ATP6V1E2: variants seen among roughly 807,000 people sequenced by gnomAD.
The protein encoded by ATP6V1E2 is V-type proton ATPase subunit E 2.
For synonymous variants in ATP6V1E2, 121 were observed against 104.2 expected, an observed-to-expected ratio of 1.16 and a Z score of -0.98; for missense variants, 308 against 273.3, an observed-to-expected ratio of 1.13 and a Z score of -0.90.
rs192401662 is a variant in ATP6V1E2, at chr2:46,541,007, T to A, written c.-310+383A>T. Among the ~76,000 whole-genome samples, 16 of 152,264 alleles carry A rather than the reference T, an allele frequency of 1.1e-4. 1 individual carries two copies. Among genetic ancestry groups the A allele is most frequent in the Admixed American group, 6.5e-4 (10 of 15,304 alleles). On this transcript the variant is annotated intron_variant, in intron 2 of 4. Coordinates refer to ENST00000522587, the MANE Select transcript of ATP6V1E2 (RefSeq NM_001318063.2). ...GAGAAGGGAAGTGACATGCTCAAGG[T>A]AACACTGCTAACCAGGGTCAGAGCT... is the stretch of plus-strand genomic sequence containing the variant.
intron 2 of ATP6V1E2, among the ~76,000 whole-genome samples, chr2:46,540,982 G>A (rs556511997): frequency 6.6e-6 from 1 of 152,206 alleles, no homozygotes; most frequent in Non-Finnish European, 1.5e-5. Flanking sequence ...CGGAGGCCCA[G>A]AGAAGGGAAG....
Position 46,512,352 on chromosome 2 carries a change from C to A in ATP6V1E2, c.360G>T (p.Val120=). 6.2e-7 allele frequency: 1 copy of A among 1,613,972 alleles called. No individual in the cohort carries two copies. The change falls in exon 5 of 5, where the codon GTG becomes GTT. Residue 120 remains valine, a synonymous_variant. Transcript: ENST00000522587. ...EVYQGLLDKL[V]LQGLLRLLEP... ...CCAGCAGTCGGAGCAGACCCTGGAG[C>A]ACCAGTTTATCCAGCAGCCCCTGGT... is the stretch of plus-strand genomic sequence containing the variant.
intron 4 of ATP6V1E2, among the ~76,000 whole-genome samples, chr2:46,525,123 A>G (rs1222220311): frequency 6.6e-6 from 1 of 152,054 alleles, no homozygotes; most frequent in Non-Finnish European, 1.5e-5. Flanking sequence ...AGGTCTGAGG[A>G]CTCAGCCTCT....
At position 46,530,166 on chromosome 2, in the gene ATP6V1E2, C is replaced by G. The variant is rs905238483; in HGVS notation, c.-102+5647G>C. 2.0e-5 allele frequency among the ~76,000 whole-genome samples: 3 copies of G among 152,202 alleles called. No individual in the cohort carries two copies. The highest frequency in any genetic ancestry group is 7.2e-5 in the African/African-American group (3 of 41,448). On this transcript the variant is annotated intron_variant, in intron 4 of 4. Transcript: ENST00000522587. This position sits in a 1 kb window ranked among gnomAD's most constrained non-coding sequence, Gnocchi z 5.2. The stretch of plus-strand genomic sequence containing the variant: ...CAGAATGCAGCTCAGTCTCCTACCA[C>G]CTACATACAGAGCCCTCTCCTCTTC...
chr2:46,539,392 T>C (rs2103950815), intron 2 of ATP6V1E2, among the ~76,000 whole-genome samples: 1 of 152,332 alleles, frequency 6.6e-6, no homozygotes, highest in Non-Finnish European at 1.5e-5. Flanking sequence ...TGCACCCCTA[T>C]GGGCACAGGG....
intron 4 of ATP6V1E2, among the ~76,000 whole-genome samples, chr2:46,516,570 G>A (rs1005955031): frequency 6.6e-6 from 1 of 151,948 alleles, no homozygotes; most frequent in Non-Finnish European, 1.5e-5. Flanking sequence ...CTCCAGTCTG[G>A]GCAACAGAAT....
intron 4 of ATP6V1E2, among the ~76,000 whole-genome samples, chr2:46,532,166 T>C (rs1348339489): frequency 2.0e-5 from 3 of 152,218 alleles, no homozygotes; most frequent in African/African-American, 7.2e-5. Flanking sequence ...TGGTTGTCAA[T>C]TCATTTTGAG....
At chr2:46,516,545 T>G (rs1481107969) in intron 4 of ATP6V1E2, among the ~76,000 whole-genome samples, 1 of 152,130 alleles carries the variant, frequency 6.6e-6, no homozygotes, top group Admixed American at 6.6e-5. Flanking sequence ...AATAAGCTAA[T>G]GAGGTGCCAG....
At chr2:46,532,003 A>G (rs1423901580) in intron 4 of ATP6V1E2, among the ~76,000 whole-genome samples, 1 of 152,220 alleles carries the variant, frequency 6.6e-6, no homozygotes, top group Non-Finnish European at 1.5e-5. Context: ...CACTTTCTTG[A>G]TAATGTCCTT....
intron 4 of ATP6V1E2, among the ~76,000 whole-genome samples, chr2:46,518,475 TACACACACACACACAAC>T (rs1427698353): frequency 9.5e-6 from 1 of 105,610 alleles, no homozygotes; most frequent in African/African-American, 3.8e-5. Flanking sequence ...AAACATTTGT[TACACACACACACACAAC>T]ACACACACAC....
At chr2:46,538,166 T>C (rs1667544355) in intron 2 of ATP6V1E2, among the ~76,000 whole-genome samples, 1 of 152,158 alleles carries the variant, frequency 6.6e-6, no homozygotes, top group Non-Finnish European at 1.5e-5. Context: ...GGTCAGACTG[T>C]TGTGATCTGT....
intron 4 of ATP6V1E2, among the ~76,000 whole-genome samples, chr2:46,528,653 C>T (rs1042746035): frequency 1.3e-5 from 2 of 152,166 alleles, no homozygotes; most frequent in African/African-American, 2.4e-5. Context: ...CAAGATGCAT[C>T]CAGGACTGGG....
chr2:46,513,003 C>T (rs1012419003), intron 4 of ATP6V1E2, among the ~76,000 whole-genome samples, 191 bp from the exon 5 acceptor site: 9 of 152,210 alleles, frequency 5.9e-5, no homozygotes, highest in African/African-American at 2.2e-4. Flanking sequence ...CCCTGCTACA[C>T]TCACTCTCAT....
rs76682835 is a variant in ATP6V1E2, at chr2:46,513,515, T to G, written c.-101-703A>C. ...ATATTCTATCCATTATCTATTCACT[T>G]CCCCGAAGCTTTTATTTAAAAACTT... On this transcript the variant is annotated intron_variant, in intron 4 of 4. Coordinates refer to ENST00000522587, the MANE Select transcript of ATP6V1E2 (RefSeq NM_001318063.2). Among the ~76,000 whole-genome samples the G allele has an allele frequency of 5.0e-3, 767 of 152,292 alleles. 3 individuals are homozygous for G. Among genetic ancestry groups the G allele is most frequent in the Non-Finnish European group, 8.1e-3 (550 of 68,018 alleles).
At chr2:46,533,203 GTAGATAGA>G (rs72186652) in intron 4 of ATP6V1E2, among the ~76,000 whole-genome samples, 13,187 of 148,134 alleles carry the variant, frequency 0.089, 663 homozygotes, top group South Asian at 0.12. Flanking sequence ...GCATGTATGT[GTAGATAGA>G]TAGATAGATA....
In ATP6V1E2 at chr2:46,512,092, T is replaced by C; in HGVS notation, c.620A>G (p.Lys207Arg). 1 of 1,613,784 alleles carries C rather than the reference T, an allele frequency of 6.2e-7. No homozygotes were observed. Among genetic ancestry groups the C allele is most frequent in the Non-Finnish European group, 8.5e-7 (1 of 1,179,844 alleles). Reference protein sequence around the residue: ...ESRLDLSAKQKMPEIRMALFG... With the variant: ...ESRLDLSAKQRMPEIRMALFG... ...CAAGGCCATTCGTATTTCTGGCATC[T>C]TTTGCTTGGCTGAGAGATCCAGTCG... The change falls in exon 5 of 5, where the codon AAG (lysine) becomes AGG (arginine). Residue 207 changes from lysine to arginine, a missense_variant. Transcript: ENST00000522587.
chr2:46,536,388 G>A (rs184330528), intron 3 of ATP6V1E2, among the ~76,000 whole-genome samples: 2 of 152,356 alleles, frequency 1.3e-5, no homozygotes, highest in East Asian at 3.9e-4. Context: ...ACACTGGAGT[G>A]CAAAGAGAAG....
At chr2:46,534,683 C>T (rs527367287) in intron 4 of ATP6V1E2, 1 of 152,252 alleles carries the variant, frequency 6.6e-6, no homozygotes, top group South Asian at 2.1e-4. Context: ...GATGAACTTC[C>T]TCTTTTTGAG....
Position 46,512,671 on chromosome 2 carries a change from T to A in ATP6V1E2, c.41A>T (p.His14Leu), listed in dbSNP as rs749507203. Residue 14 changes from histidine (H) to leucine (L), a missense_variant, in exon 5 of 5, where the codon CAC becomes CTC. His to Leu is a moderately conservative substitution (Grantham distance 99). Transcript: ENST00000522587. ...SDVDVKKQIK[H>L]MMAFIEQEAN... The stretch of plus-strand genomic sequence containing the variant: ...TTCCTGCTCAATGAAAGCCATCATG[T>A]GCTTAATCTGCTTTTTCACATCGAC... The A allele has an allele frequency of 2.4e-5, 38 of 1,613,962 alleles. No individual in the cohort carries two copies. Among genetic ancestry groups the A allele is most frequent in the South Asian group, 1.1e-5 (1 of 91,078 alleles).
Sources: gnomAD v4.1 joint callset for allele counts (sites outside exome capture counted in the v4.1 genomes callset) on GRCh38, gnomAD v4.1.1 for gene constraint, Gnocchi (gnomAD v3.1) non-coding constraint, MANE v1.5 for transcripts, NCBI Gene and HGNC (gene_info 2026-07-23, HGNC 2026-07-21) for gene names.